VSNL1: variants seen among roughly 807,000 people sequenced by gnomAD.
VSNL1 encodes visinin like 1, also known as visinin-like protein 1.
In VSNL1, 6 loss-of-function variants were observed where a neutral mutation model predicts 20.4. That is an observed-to-expected ratio of 0.29 (90% CI 0.16 to 0.58). VSNL1 has a LOEUF of 0.58. Ranked by LOEUF, VSNL1 falls within the 20% of genes least tolerant of loss-of-function variation. VSNL1 has a pLI of 0.90. For missense variants in VSNL1, 100 were observed against 234.5 expected (o/e 0.43, Z 3.75); for synonymous variants, 93 against 86.4 (o/e 1.08, Z -0.42).
Position 17,655,455 on chromosome 2 carries a change from TCACACACACACACA to T in VSNL1, c.*94_*107del, listed in dbSNP as rs3064980. On this transcript the variant is annotated 3_prime_UTR_variant, in exon 4 of 4. Transcript: ENST00000295156. The surrounding 1 kb of genome is among the most constrained non-coding windows in gnomAD (Gnocchi z 5.2). ...AATGTTCCATTCAGTCTGCAGCTAT[TCACACACACACACA>T]CACACACACACACACACACACACAC... is the stretch of plus-strand genomic sequence containing the variant. 2.1e-3 allele frequency: 1,133 copies of T among 537,506 alleles called. 10 individuals are homozygous for T. The highest frequency in any genetic ancestry group is 0.018 in the African/African-American group (903 of 50,116). 33.3% of individuals were successfully genotyped at this position (537,506 alleles called of 1,614,324 possible). A position where few individuals can be genotyped will look rare whatever the true frequency, so the allele number is the denominator to read the frequency against.
chr2:17,637,900 C>T (rs1000333047), intron 2 of VSNL1, among the ~76,000 whole-genome samples: 4 of 152,184 alleles, frequency 2.6e-5, no homozygotes, highest in Non-Finnish European at 5.9e-5. Flanking sequence ...AGCACTTTCC[C>T]GGACGTGGTC....
At chr2:17,646,699 C>T (rs1666005673) in intron 2 of VSNL1, among the ~76,000 whole-genome samples, 3 of 152,084 alleles carry the variant, frequency 2.0e-5, no homozygotes, top group Admixed American at 1.3e-4. Flanking sequence ...ATATTACTTC[C>T]ATGTCAAAAT....
At position 17,649,427 on chromosome 2, in the gene VSNL1, C is replaced by T. The variant is rs148418595; in HGVS notation, c.180C>T (p.Asp60=). ...CTTTGCAGTTCTTTCCTTATGGAGACGCCTCCAAGTTTGCCCAGCATGCCT... is the reference window on the plus strand; with the variant it reads ...CTTTGCAGTTCTTTCCTTATGGAGATGCCTCCAAGTTTGCCCAGCATGCCT... ...QLYVKFFPYG[D]ASKFAQHAFR... The change falls in exon 3 of 4, where the codon GAC becomes GAT. Residue 60 remains aspartate (D), a synonymous_variant. Transcript: ENST00000295156. This position sits in a 1 kb window ranked among gnomAD's most constrained non-coding sequence, Gnocchi z 6.4. The T allele has an allele frequency of 1.1e-4, 185 of 1,614,196 alleles. No individual in the cohort carries two copies. The highest frequency in any genetic ancestry group is 5.7e-4 in the Admixed American group (34 of 60,026).
At chr2:17,581,641 C>T (rs958820055) in intron 1 of VSNL1, among the ~76,000 whole-genome samples, 1 of 152,220 alleles carries the variant, frequency 6.6e-6, no homozygotes, top group South Asian at 2.1e-4. Context: ...CTTACCCAAT[C>T]TCTCAAAGAA....
chr2:17,548,027 C>G (rs1381320061), intron 1 of VSNL1, among the ~76,000 whole-genome samples: 1 of 152,122 alleles, frequency 6.6e-6, no homozygotes, highest in Admixed American at 6.5e-5. Flanking sequence ...ACTCTCCCCA[C>G]ACCTCCTCTA....
chr2:17,550,492 T>C (rs1663507375), intron 1 of VSNL1, among the ~76,000 whole-genome samples: 1 of 152,186 alleles, frequency 6.6e-6, no homozygotes, highest in Non-Finnish European at 1.5e-5. Flanking sequence ...AAAGAGACCC[T>C]TGTGGAAAGA....
At chr2:17,648,774 A>G in intron 2 of VSNL1, among the ~76,000 whole-genome samples, 1 of 152,200 alleles carries the variant, frequency 6.6e-6, no homozygotes, top group East Asian at 1.9e-4. Flanking sequence ...CCCTGGTGAC[A>G]GTTGGCTCTG....
chr2:17,554,495 C>G (rs1404651153), intron 1 of VSNL1, among the ~76,000 whole-genome samples: 2 of 151,942 alleles, frequency 1.3e-5, no homozygotes, highest in Non-Finnish European at 2.9e-5. Flanking sequence ...GTACAGAACT[C>G]TTTTTTTTAT....
At chr2:17,565,705 A>G (rs1009780364) in intron 1 of VSNL1, among the ~76,000 whole-genome samples, 2 of 152,246 alleles carry the variant, frequency 1.3e-5, no homozygotes, top group Non-Finnish European at 2.9e-5. Flanking sequence ...AAATAAAATT[A>G]GAGTTCATGT....
intron 1 of VSNL1, among the ~76,000 whole-genome samples, chr2:17,587,390 CA>C (rs1664501181): frequency 6.7e-6 from 1 of 149,734 alleles, no homozygotes; most frequent in Admixed American, 6.7e-5. Flanking sequence ...CACACACACA[CA>C]CACATATATT....
At chr2:17,551,051 C>T (rs1480516520) in intron 1 of VSNL1, among the ~76,000 whole-genome samples, 1 of 152,140 alleles carries the variant, frequency 6.6e-6, no homozygotes, top group Admixed American at 6.5e-5. Flanking sequence ...TGTGCATTGA[C>T]CCATCAATAA....
intron 2 of VSNL1, among the ~76,000 whole-genome samples, chr2:17,613,024 C>A (rs1397044984): frequency 2.6e-5 from 4 of 152,164 alleles, no homozygotes; most frequent in African/African-American, 9.7e-5. Flanking sequence ...CCTCTTCATT[C>A]CCTTAACTCC....
At chr2:17,596,742 T>C (rs1558294312) in intron 2 of VSNL1, among the ~76,000 whole-genome samples, 1 of 151,936 alleles carries the variant, frequency 6.6e-6, no homozygotes, top group African/African-American at 2.4e-5. Flanking sequence ...CAGAGTTGTT[T>C]AAAAAAAATG....
intron 3 of VSNL1, among the ~76,000 whole-genome samples, chr2:17,652,760 T>A (rs1395299570): frequency 6.6e-6 from 1 of 152,212 alleles, no homozygotes; most frequent in Non-Finnish European, 1.5e-5. Context: ...AGTTTCCAGA[T>A]AAACATTGAG....
At chr2:17,589,290 C>T (rs1041167836) in intron 1 of VSNL1, among the ~76,000 whole-genome samples, 1 of 152,088 alleles carries the variant, frequency 6.6e-6, no homozygotes, top group African/African-American at 2.4e-5. Flanking sequence ...TGGCAGAAAA[C>T]GAGGATATAA....
At chr2:17,559,512 C>A (rs760687777) in intron 1 of VSNL1, among the ~76,000 whole-genome samples, 3 of 151,630 alleles carry the variant, frequency 2.0e-5, no homozygotes, top group Non-Finnish European at 4.4e-5. Flanking sequence ...CCTTGGTATT[C>A]TTGGCTGGGC....
At position 17,656,193 on chromosome 2, in the gene VSNL1, T is replaced by G. The variant is rs562513692; in HGVS notation, c.*799T>G. 4 of 152,304 alleles carry G rather than the reference T, an allele frequency of 2.6e-5. No homozygotes were observed. Among genetic ancestry groups the G allele is most frequent in the Non-Finnish European group, 5.9e-5 (4 of 68,012 alleles). 9.4% of individuals were successfully genotyped at this position (152,304 alleles called of 1,614,324 possible). ...AATTTATAACAATTGATTTTCCCCC[T>G]AATTCTTATTTTATAATTTTAAAAT... On this transcript the variant is annotated 3_prime_UTR_variant, in exon 4 of 4. Coordinates refer to ENST00000295156, the MANE Select transcript of VSNL1 (RefSeq NM_003385.5).
intron 3 of VSNL1, among the ~76,000 whole-genome samples, chr2:17,654,309 A>G (rs917598412): frequency 6.6e-5 from 10 of 152,166 alleles, no homozygotes; most frequent in Admixed American, 5.9e-4. Context: ...TTCTCACTCT[A>G]TTCTTTAACT....
intron 1 of VSNL1, chr2:17,567,383 G>T (rs1215439695): frequency 9.7e-6 from 1 of 103,370 alleles, no homozygotes; most frequent in Non-Finnish European, 1.8e-5. Flanking sequence ...TTTTTAGAAG[G>T]AGTCTGCCTC....
Sources: allele counts gnomAD v4.1 joint callset (sites outside exome capture counted in the v4.1 genomes callset), GRCh38; gene constraint gnomAD v4.1.1; non-coding constraint Gnocchi (gnomAD v3.1); transcripts MANE v1.5; gene names NCBI Gene and HGNC (gene_info 2026-07-23, HGNC 2026-07-21).